NR6A1: variants seen among roughly 807,000 people sequenced by gnomAD.
The protein encoded by NR6A1 is retinoic acid receptor-related testis-associated receptor.
In NR6A1, 7 loss-of-function variants were observed where a neutral mutation model predicts 59.1. The ratio of observed to expected loss-of-function variants is 0.12; its 90% CI spans 0.07 to 0.22. NR6A1 has a LOEUF of 0.22. Among genes scored for constraint, NR6A1 ranks in the 10% least tolerant of loss-of-function variants. The probability of loss-of-function intolerance (pLI) is 1.00; values close to 1 mark genes in which losing one functional copy is unlikely to be tolerated. For missense variants in NR6A1, 468 were observed against 611.6 expected, an observed-to-expected ratio of 0.77 and a Z score of 2.48; for synonymous variants, 243 against 236.1, an observed-to-expected ratio of 1.03 and a Z score of -0.27.
chr9:124,592,689 T>C (rs1033788058), intron 2 of NR6A1, among the ~76,000 whole-genome samples: 1 of 152,212 alleles, frequency 6.6e-6, no homozygotes, highest in African/African-American at 2.4e-5. Flanking sequence ...CGCCTCCCCT[T>C]ATTCCATTTG....
At chr9:124,535,744 A>T in intron 7 of NR6A1, 134 bp downstream of exon 7, 2 of 1,117,134 alleles carry the variant, frequency 1.8e-6, no homozygotes, top group Non-Finnish European at 2.6e-6. Context: ...AAATCTAGTC[A>T]GTGGCAGAGT....
intron 2 of NR6A1, among the ~76,000 whole-genome samples, chr9:124,560,680 C>T (rs915769861): frequency 2.6e-5 from 4 of 152,180 alleles, no homozygotes; most frequent in African/African-American, 9.6e-5. Flanking sequence ...CCTGCCTCAG[C>T]CTCCCAAGTA....
At chr9:124,669,981 A>C (rs570355270) in intron 2 of NR6A1, among the ~76,000 whole-genome samples, 2 of 152,304 alleles carry the variant, frequency 1.3e-5, no homozygotes, top group South Asian at 4.1e-4. Flanking sequence ...AAGTTAGAGA[A>C]ACTTGATGTC....
At chr9:124,655,150 T>C (rs1837222322) in intron 2 of NR6A1, among the ~76,000 whole-genome samples, 1 of 152,170 alleles carries the variant, frequency 6.6e-6, no homozygotes, top group East Asian at 1.9e-4. Context: ...CAGAAGGGTA[T>C]AGTTCCTAAT....
At chr9:124,761,709 T>C (rs896844045) in intron 1 of NR6A1, among the ~76,000 whole-genome samples, 2 of 152,224 alleles carry the variant, frequency 1.3e-5, no homozygotes, top group African/African-American at 4.8e-5. Context: ...CTATTCTTGA[T>C]GGAAGTTTTA....
Position 124,755,442 on chromosome 9 carries a change from A to G in NR6A1, c.100+15578T>C, listed in dbSNP as rs578077182. Among the ~76,000 whole-genome samples the G allele has an allele frequency of 3.3e-3, 508 of 152,302 alleles. 1 individual carries two copies. The highest frequency in any genetic ancestry group is 5.9e-3 in the Non-Finnish European group (401 of 68,010). ...TCTCATTAAATAAATGTAAAAACTA[A>G]AATAATCCTAAAATCTGCAAGATCT... is the stretch of plus-strand genomic sequence containing the variant. On this transcript the variant is annotated intron_variant, in intron 1 of 9. Transcript: ENST00000487099.
intron 7 of NR6A1, among the ~76,000 whole-genome samples, chr9:124,535,147 C>G (rs1469883285): frequency 6.6e-6 from 1 of 152,064 alleles, no homozygotes; most frequent in South Asian, 2.1e-4. Flanking sequence ...TAGCCTAATG[C>G]CTGGCACACT....
At position 124,559,242 on chromosome 9, in the gene NR6A1, C is replaced by A. The variant is rs1834012656; in HGVS notation, c.143-4672G>T. Among the ~76,000 whole-genome samples, 8 of 152,168 alleles carry A rather than the reference C, an allele frequency of 5.3e-5. No individual in the cohort carries two copies. The South Asian group carries it at 1.7e-3, about 32-fold the overall frequency. ...TTACCTGAGGCATGAATTCCCTCCA[C>A]AATGTTCCAAGACAAAGAGTTGCCC... is the stretch of plus-strand genomic sequence containing the variant. On this transcript the variant is annotated intron_variant, in intron 2 of 9. Coordinates refer to ENST00000487099, the MANE Select transcript of NR6A1 (RefSeq NM_033334.4).
intron 1 of NR6A1, among the ~76,000 whole-genome samples, chr9:124,750,924 C>T (rs1279627940): frequency 6.6e-6 from 1 of 152,098 alleles, no homozygotes; most frequent in Non-Finnish European, 1.5e-5. Flanking sequence ...CTCCTAAATA[C>T]TAGACTCCTT....
chr9:124,657,735 A>C (rs979605742), intron 2 of NR6A1, among the ~76,000 whole-genome samples: 1 of 151,522 alleles, frequency 6.6e-6, no homozygotes. Flanking sequence ...CCATGCTTTC[A>C]TAGCTTCCCC....
At chr9:124,693,757 A>T (rs781260008) in intron 2 of NR6A1, 2 of 534,628 alleles carry the variant, frequency 3.7e-6, no homozygotes, top group Non-Finnish European at 3.8e-6. Context: ...TTTGAGTCTG[A>T]ATCAACTCAC....
chr9:124,653,183 C>G (rs756487130), intron 2 of NR6A1, among the ~76,000 whole-genome samples: 1 of 152,152 alleles, frequency 6.6e-6, no homozygotes, highest in Non-Finnish European at 1.5e-5. Flanking sequence ...ATTTAACCAC[C>G]AGAGCCTCAG....
At chr9:124,591,344 A>G (rs1835118848) in intron 2 of NR6A1, among the ~76,000 whole-genome samples, 3 of 152,196 alleles carry the variant, frequency 2.0e-5, no homozygotes, top group South Asian at 4.1e-4. Flanking sequence ...TGTTGCATAT[A>G]TAAGGAAATT....
At chr9:124,677,696 C>T (rs1838005682) in intron 2 of NR6A1, among the ~76,000 whole-genome samples, 1 of 152,060 alleles carries the variant, frequency 6.6e-6, no homozygotes, top group Non-Finnish European at 1.5e-5. Context: ...TATTGCAGCC[C>T]ACAGGATTCC....
rs1425661040 is a variant in NR6A1, at chr9:124,517,412, G to A, written c.*5293C>T. ...GGGCCCATCCCTTGCCAGCTGGCAG[G>A]GTGGGAGGTAGCAGAGGGCCTGGGT... On this transcript the variant is annotated 3_prime_UTR_variant, in exon 10 of 10. Transcript: ENST00000487099. The A allele has an allele frequency of 1.3e-5, 2 of 151,472 alleles. No individual in the cohort carries two copies. The highest frequency in any genetic ancestry group is 3.4e-3 in the Middle Eastern group (1 of 294). 9.4% of individuals were successfully genotyped at this position (151,472 alleles called of 1,614,324 possible).
intron 1 of NR6A1, among the ~76,000 whole-genome samples, chr9:124,761,473 T>C (rs1840782894): frequency 6.6e-6 from 1 of 152,182 alleles, no homozygotes; most frequent in Non-Finnish European, 1.5e-5. Context: ...AAGGAGTAAA[T>C]TTCTAACTCT....
chr9:124,711,726 C>A (rs181989719), intron 2 of NR6A1, among the ~76,000 whole-genome samples: 1 of 152,264 alleles, frequency 6.6e-6, no homozygotes, highest in East Asian at 1.9e-4. Context: ...CCACTGGATA[C>A]CCACTGAGTA....
chr9:124,562,420 GT>G (rs1264536200), intron 2 of NR6A1, among the ~76,000 whole-genome samples: 1 of 151,640 alleles, frequency 6.6e-6, no homozygotes, highest in Non-Finnish European at 1.5e-5. Flanking sequence ...AATGTAAAAT[GT>G]TTTTTGTTTT....
chr9:124,742,989 G>A (rs1381327824), intron 1 of NR6A1, among the ~76,000 whole-genome samples: 7 of 152,168 alleles, frequency 4.6e-5, no homozygotes, highest in African/African-American at 9.7e-5. Context: ...TCCCTTTGGG[G>A]GGGCCCTTCC....
Sources: allele counts gnomAD v4.1 joint callset (sites outside exome capture counted in the v4.1 genomes callset), GRCh38; gene constraint gnomAD v4.1.1; transcripts MANE v1.5; gene names NCBI Gene and HGNC (gene_info 2026-07-23, HGNC 2026-07-21).